Variants in BRPF1 observed in about 807,000 individuals in gnomAD.
BRPF1 encodes the protein peregrin.
In BRPF1, 15 loss-of-function variants were observed where a neutral mutation model predicts 115.0. The ratio of observed to expected loss-of-function variants is 0.13; its 90% confidence interval spans 0.09 to 0.20. The LOEUF is 0.20. Ranked by LOEUF, BRPF1 falls within the 10% of genes least tolerant of loss-of-function variation. The pLI is 1.00. For missense variants in BRPF1, 1,118 were observed against 1,638.3 expected, an observed-to-expected ratio of 0.68 and a Z score of 5.48; for synonymous variants, 647 against 619.8, an observed-to-expected ratio of 1.04 and a Z score of -0.65.
Position 9,744,235 on chromosome 3 carries a change from A to C in BRPF1, c.2647A>C (p.Asn883His). ...TTTCTCTGCTCCAGGCCTGGGTCCCAACATGTCCTCAACCCCCGCACATGA... is the reference window on the plus strand; with the variant it reads ...TTTCTCTGCTCCAGGCCTGGGTCCCCACATGTCCTCAACCCCCGCACATGA... ...SQETSKGLGPNMSSTPAHEVG... is the reference protein window; with the variant it reads ...SQETSKGLGPHMSSTPAHEVG... The change falls in exon 9 of 14, where the codon AAC (asparagine) becomes CAC (histidine). Residue 883 changes from asparagine (N) to histidine (H), a missense_variant. Asn to His is a moderately conservative substitution (Grantham distance 68). Coordinates refer to ENST00000383829, the MANE Select transcript of BRPF1 (RefSeq NM_001003694.2). 6.5e-7 allele frequency: 1 copy of C among 1,542,078 alleles called. No homozygotes were observed. Among genetic ancestry groups the C allele is most frequent in the Non-Finnish European group, 8.7e-7 (1 of 1,145,878 alleles).
At chr3:9,733,928 AG>A (rs2076896746) in intron 1 of BRPF1, among the ~76,000 whole-genome samples, 3 of 152,220 alleles carry the variant, frequency 2.0e-5, no homozygotes, top group African/African-American at 4.8e-5. Flanking sequence ...GTTGAGACAT[AG>A]GGCAGGATAA....
rs764921315 is a variant in BRPF1 at position 9,743,839 on chromosome 3, G to A, written c.2573G>A (p.Cys858Tyr). Residue 858 changes from cysteine to tyrosine, a missense_variant, in exon 8 of 14, where the codon TGT becomes TAT. Coordinates refer to ENST00000383829, the MANE Select transcript of BRPF1 (RefSeq NM_001003694.2). The surrounding 1 kb of genome is among the most constrained non-coding windows in gnomAD (Gnocchi z 6.1). Reference protein sequence around the residue: ...RGSLTPHPAACDKDGQTDSAA... With the variant: ...RGSLTPHPAAYDKDGQTDSAA... The stretch of plus-strand genomic sequence containing the variant: ...AGTCTGACACCCCACCCGGCAGCCT[G>A]TGACAAGGATGGGCAGACAGATAGT... The A allele has an allele frequency of 1.2e-6, 2 of 1,607,334 alleles. No homozygotes were observed. Among genetic ancestry groups the A allele is most frequent in the Admixed American group, 1.7e-5 (1 of 59,844 alleles).
rs953300092 is a variant in BRPF1 at position 9,747,526 on chromosome 3, C to T, written c.*177C>T. On this transcript the variant is annotated 3_prime_UTR_variant, in exon 14 of 14. Transcript: ENST00000383829. This position sits in a 1 kb window ranked among gnomAD's most constrained non-coding sequence, Gnocchi z 5.6. ...CTAAGTGCAGCTGGACTGTACAGAA[C>T]ACTCCAAGGGCCAATGGCAGTTCAG... 1.3e-5 allele frequency: 9 copies of T among 667,464 alleles called. No homozygotes were observed. The African/African-American group carries it at 1.6e-4, about 12-fold the overall frequency. The allele number at this position is 667,464 out of a possible 1,614,324, so 41.3% of individuals were successfully genotyped here. A position where few individuals can be genotyped will look rare whatever the true frequency, so the allele number is the denominator to read the frequency against.
rs1166416485 is a variant in BRPF1, at chr3:9,739,727, A to C, written c.1328A>C (p.Tyr443Ser). 4 of 1,614,010 alleles carry C rather than the reference A, an allele frequency of 2.5e-6. No homozygotes were observed. In the Admixed American group the frequency reaches 6.7e-5, roughly 27 times the overall value. Residue 443 changes from tyrosine to serine, a missense_variant, in exon 3 of 14, where the codon TAC becomes TCC. This residue lies in a region of BRPF1 where 87 missense variants were observed against 93.4 expected (regional missense o/e 0.93). Coordinates refer to ENST00000383829, the MANE Select transcript of BRPF1 (RefSeq NM_001003694.2). ...GTSFSVRKTA[Y>S]CDIHTPPGSA... Reference sequence around the variant, plus strand: ...TCTTTCAGTGTCCGCAAGACAGCCTACTGCGACATCCACACGCCTCCAGGT... The same window carrying C: ...TCTTTCAGTGTCCGCAAGACAGCCTCCTGCGACATCCACACGCCTCCAGGT...
At chr3:9,736,073 G>C (rs1394401341) in intron 2 of BRPF1, among the ~76,000 whole-genome samples, 1 of 131,060 alleles carries the variant, frequency 7.6e-6, no homozygotes, top group Admixed American at 9.5e-5. Flanking sequence ...GTGCAGTGGC[G>C]TGATCTCGGC....
chr3:9,746,362 C>T lies in BRPF1; in HGVS notation c.3387C>T (p.Pro1129=). The change falls in exon 13 of 14, where the codon CCC becomes CCT. Residue 1129 remains proline (P), a synonymous_variant. Coordinates refer to ENST00000383829, the MANE Select transcript of BRPF1 (RefSeq NM_001003694.2). ...ACCATGGGGTTCCCATCCCTGTGCC[C>T]CCACTGGAGGTGCTGAAACTTGGGG... ...MFHHGVPIPV[P]PLEVLKLGEQ... 1 of 1,608,250 alleles carries T rather than the reference C, an allele frequency of 6.2e-7. No individual in the cohort carries two copies. The highest frequency in any genetic ancestry group is 8.5e-7 in the Non-Finnish European group (1 of 1,175,954).
At chr3:9,746,487 C>T in intron 13 of BRPF1, 33 bp downstream of exon 13, 1 of 1,529,220 alleles carries the variant, frequency 6.5e-7, no homozygotes, top group East Asian at 2.3e-5. Flanking sequence ...TGACTCACAG[C>T]CACAGATGCA....
At chr3:9,733,613 A>AG (rs1412364541) in intron 1 of BRPF1, among the ~76,000 whole-genome samples, 1 of 152,202 alleles carries the variant, frequency 6.6e-6, no homozygotes, top group African/African-American at 2.4e-5. Context: ...AATGAGTAGG[A>AG]GCCCACCAAT....
chr3:9,739,609 A>G lies in BRPF1; in HGVS notation c.1210A>G (p.Asn404Asp). The G allele has an allele frequency of 6.2e-7, 1 of 1,610,020 alleles. No homozygotes were observed. Among genetic ancestry groups the G allele is most frequent in the Non-Finnish European group, 8.5e-7 (1 of 1,176,526 alleles). ...GGCCTGCATCCAGTGCCACAAGGCC[A>G]ACTGTTACACAGCTTTCCATGTGAC... is the stretch of plus-strand genomic sequence containing the variant. ...SGACIQCHKA[N>D]CYTAFHVTCA... The change falls in exon 3 of 14, where the codon AAC (asparagine) becomes GAC (aspartate). Residue 404 changes from asparagine to aspartate, a missense_variant. Coordinates refer to ENST00000383829, the MANE Select transcript of BRPF1 (RefSeq NM_001003694.2).
Position 9,732,093 on chromosome 3 carries a change from GCCCCGGCGGGCGC to G in BRPF1, c.-47_-35del, listed in dbSNP as rs1357553033. The G allele has an allele frequency of 6.6e-6, 1 of 152,414 alleles. No individual in the cohort carries two copies. Among genetic ancestry groups the G allele is most frequent in the Non-Finnish European group, 1.5e-5 (1 of 68,188 alleles). The allele number at this position is 152,414 out of a possible 1,614,324, so 9.4% of individuals were successfully genotyped here. On this transcript the variant is annotated 5_prime_UTR_variant, in exon 1 of 14. Transcript: ENST00000383829. ...GCCGACCTCCCCAAGTGGGGTCGGAGCCCCGGCGGGCGCCCCCGGCGATGAGCCCGGACTCGAG... is the reference window on the plus strand; with the variant it reads ...GCCGACCTCCCCAAGTGGGGTCGGAGCCCCGGCGATGAGCCCGGACTCGAG...
In BRPF1 at chr3:9,740,879, G is replaced by A. The variant is rs750956735; in HGVS notation, c.1660G>A (p.Val554Ile). 1 of 1,614,086 alleles carries A rather than the reference G, an allele frequency of 6.2e-7. No individual in the cohort carries two copies. Among genetic ancestry groups the A allele is most frequent in the African/African-American group, 1.3e-5 (1 of 75,064 alleles). ...ACTGAAGCGGCAGTCACGGAATGGGGTCCCATTGCTACGTCGCCTGCAGAC... is the reference window on the plus strand; with the variant it reads ...ACTGAAGCGGCAGTCACGGAATGGGATCCCATTGCTACGTCGCCTGCAGAC... Reference protein sequence around the residue: ...WTLKRQSRNGVPLLRRLQTHL... With the variant: ...WTLKRQSRNGIPLLRRLQTHL... Residue 554 changes from valine (V) to isoleucine (I), a missense_variant, in exon 4 of 14, where the codon GTC becomes ATC. Physicochemically the swap from Val to Ile is conservative, Grantham distance 29. Transcript: ENST00000383829.
chr3:9,746,266 A>G, intron 12 of BRPF1, 34 bp from the exon 13 acceptor site: 1 of 1,516,124 alleles, frequency 6.6e-7, no homozygotes, highest in Non-Finnish European at 8.9e-7. Flanking sequence ...GAGGACATGG[A>G]CTGAACCAAA....
In BRPF1 at chr3:9,744,464, G is replaced by A; in HGVS notation, c.2876G>A (p.Ser959Asn). 4 of 1,578,766 alleles carry A rather than the reference G, an allele frequency of 2.5e-6. No homozygotes were observed. The highest frequency in any genetic ancestry group is 3.4e-6 in the Non-Finnish European group (4 of 1,163,662). ...GGTAGGAGCCCCCGGCCCAGTTCGA[G>A]CTCAGACAGCGACAGTGATAAGTCC... ...KRGRSPRPSS[S>N]SDSDSDKSTE... The change falls in exon 9 of 14, where the codon AGC (serine) becomes AAC (asparagine). Residue 959 changes from serine (S) to asparagine (N), a missense_variant. This residue lies in a region of BRPF1 where 92 missense variants were observed against 102.2 expected (regional missense o/e 0.90). Coordinates refer to ENST00000383829, the MANE Select transcript of BRPF1 (RefSeq NM_001003694.2).
Position 9,741,333 on chromosome 3 carries a change from C to T in BRPF1, c.1748C>T (p.Ala583Val), listed in dbSNP as rs1449069293. ...VGRDSEDKNW[A>V]LKEQLKSWQR... ...AGAGATTCTGAGGATAAGAACTGGG[C>T]CCTTAAAGAACAGCTCAAGTCCTGG... Residue 583 changes from alanine to valine, a missense_variant, in exon 5 of 14, where the codon GCC (alanine) becomes GTC (valine). Physicochemically the swap from Ala to Val is moderately conservative, Grantham distance 64. Coordinates refer to ENST00000383829, the MANE Select transcript of BRPF1 (RefSeq NM_001003694.2). 5 of 1,595,386 alleles carry T rather than the reference C, an allele frequency of 3.1e-6. No homozygotes were observed. In the South Asian group the frequency reaches 3.3e-5, roughly 11 times the overall value.
At chr3:9,732,831 C>T (rs1304934803) in intron 1 of BRPF1, 1 of 152,262 alleles carries the variant, frequency 6.6e-6, no homozygotes, top group Admixed American at 6.5e-5. Flanking sequence ...TCAGGGAGCT[C>T]ATGATAGCCC....
At chr3:9,733,078 GTCAC>G (rs2125487349) in intron 1 of BRPF1, 1 of 152,370 alleles carries the variant, frequency 6.6e-6, no homozygotes, top group East Asian at 1.9e-4. Flanking sequence ...GCACTTGGTA[GTCAC>G]TCAGTTGATG....
Position 9,747,884 on chromosome 3 carries a change from A to C in BRPF1, c.*535A>C, listed in dbSNP as rs1330376067. On this transcript the variant is annotated 3_prime_UTR_variant, in exon 14 of 14. Transcript: ENST00000383829. This position sits in a 1 kb window ranked among gnomAD's most constrained non-coding sequence, Gnocchi z 5.6. ...GAGTCATTTGGTACTAAAAAAAAAA[A>C]AAAAAAAGACTGGGGGCTGTCCCCA... is the stretch of plus-strand genomic sequence containing the variant. The C allele has an allele frequency of 6.5e-6, 1 of 152,718 alleles. No individual in the cohort carries two copies. The highest frequency in any genetic ancestry group is 2.4e-5 in the African/African-American group (1 of 41,444). The allele number at this position is 152,718 out of a possible 1,614,324, so 9.5% of individuals were successfully genotyped here.
In BRPF1 at chr3:9,744,213, C is replaced by T. The variant is rs377264718; in HGVS notation, c.2636-11C>T. On this transcript the variant is annotated splice_polypyrimidine_tract_variant and intron_variant, in intron 8 of 13. Transcript: ENST00000383829. ...CCTCACCAACTCTCCTTCTTTCTTTCTCTGCTCCAGGCCTGGGTCCCAACA... is the reference window on the plus strand; with the variant it reads ...CCTCACCAACTCTCCTTCTTTCTTTTTCTGCTCCAGGCCTGGGTCCCAACA... The T allele has an allele frequency of 1.3e-5, 19 of 1,518,620 alleles. No homozygotes were observed. The African/African-American group carries it at 2.7e-4, about 21-fold the overall frequency. The allele number at this position is 1,518,620 out of a possible 1,614,324, so 94.1% of individuals were successfully genotyped here.
intron 2 of BRPF1, among the ~76,000 whole-genome samples, chr3:9,736,131 C>T (rs1392049523): frequency 1.3e-5 from 2 of 151,552 alleles, no homozygotes; most frequent in Non-Finnish European, 2.9e-5. Flanking sequence ...CCTCAGCCTC[C>T]CGAGTAGCTG....
Sources: gnomAD v4.1 joint callset for allele counts (sites outside exome capture counted in the v4.1 genomes callset) on GRCh38, gnomAD v4.1.1 for gene constraint, gnomAD v4.1.1 regional missense constraint, Gnocchi (gnomAD v3.1) non-coding constraint, MANE v1.5 for transcripts, NCBI Gene and HGNC (gene_info 2026-07-23, HGNC 2026-07-21) for gene names.